Variants in SLC18A2 observed in about 807,000 individuals in gnomAD.
The protein encoded by SLC18A2 is solute carrier family 18 member A2.
Under a neutral mutation model 59.2 loss-of-function variants are expected in SLC18A2, and 33 were observed. The ratio of observed to expected loss-of-function variants is 0.56; its 90% CI spans 0.42 to 0.75. SLC18A2 has a LOEUF of 0.75. Among genes scored for constraint, SLC18A2 ranks in the 30% least tolerant of loss-of-function variants. The pLI, the probability that SLC18A2 is intolerant of heterozygous loss-of-function variation, is 0.00. For missense variants in SLC18A2, 569 were observed against 668.6 expected (o/e 0.85, Z 1.64); for synonymous variants, 228 against 253.5 (o/e 0.90, Z 0.95).
chr10:117,267,202 TC>T, intron 12 of SLC18A2, 167 bp downstream of exon 12: 2 of 593,228 alleles, frequency 3.4e-6, no homozygotes. Context: ...GACAAGACTT[TC>T]CAAGGAGTGT....
intron 10 of SLC18A2, among the ~76,000 whole-genome samples, chr10:117,266,390 C>T (rs1176101751): frequency 6.6e-5 from 10 of 152,194 alleles, no homozygotes; most frequent in African/African-American, 1.7e-4. Flanking sequence ...TTACTTCTGT[C>T]GGATGAAATC....
Position 117,255,486 on chromosome 10 carries a change from G to A in SLC18A2, c.798G>A (p.Gln266=). The change falls in exon 8 of 16, where the codon CAG becomes CAA. Residue 266 remains glutamine, a synonymous_variant. Transcript: ENST00000644641. ...AALVLLDGAI[Q]LFVLQPSRVQ... ...TTTATTTTTATTTTTTAGCTATTCAGCTCTTTGTGCTCCAGCCGTCCCGGG... is the reference window on the plus strand; with the variant it reads ...TTTATTTTTATTTTTTAGCTATTCAACTCTTTGTGCTCCAGCCGTCCCGGG... The A allele has an allele frequency of 6.2e-7, 1 of 1,614,040 alleles. No homozygotes were observed. Among genetic ancestry groups the A allele is most frequent in the Non-Finnish European group, 8.5e-7 (1 of 1,180,042 alleles).
At chr10:117,273,875 AC>A (rs888372238) in intron 15 of SLC18A2, among the ~76,000 whole-genome samples, 63 of 152,232 alleles carry the variant, frequency 4.1e-4, no homozygotes, top group African/African-American at 1.4e-3. Context: ...GGAGATCCTA[AC>A]TCATGAAAGG....
chr10:117,257,375 G>A (rs1844242498), intron 9 of SLC18A2, among the ~76,000 whole-genome samples: 1 of 151,812 alleles, frequency 6.6e-6, no homozygotes, highest in East Asian at 1.9e-4. Context: ...CATTAGAAAT[G>A]CCCACGTATA....
chr10:117,241,833 C>A lies in SLC18A2; in HGVS notation c.121+19C>A. On this transcript the variant is annotated intron_variant, in intron 2 of 15. Coordinates refer to ENST00000644641, the MANE Select transcript of SLC18A2 (RefSeq NM_003054.6). Reference sequence around the variant, plus strand: ...GTCGTGGGTACGTGCGGACAGGGCACCCCTGCCCCGGCACCCCAGCCCCAG... The same window carrying A: ...GTCGTGGGTACGTGCGGACAGGGCAACCCTGCCCCGGCACCCCAGCCCCAG... 2.5e-6 allele frequency: 4 copies of A among 1,596,628 alleles called. 1 individual carries two copies. The highest frequency in any genetic ancestry group is 3.4e-6 in the Non-Finnish European group (4 of 1,172,828).
At chr10:117,276,293 A>G (rs1489002409) in intron 15 of SLC18A2, among the ~76,000 whole-genome samples, 1 of 151,860 alleles carries the variant, frequency 6.6e-6, no homozygotes, top group African/African-American at 2.4e-5. Context: ...AACAACAACA[A>G]AAGATTGTAA....
intron 15 of SLC18A2, among the ~76,000 whole-genome samples, chr10:117,275,709 C>T (rs980699601): frequency 2.6e-5 from 4 of 152,192 alleles, no homozygotes; most frequent in Admixed American, 2.0e-4. Context: ...TTAGCATGGT[C>T]TTGGCATGAT....
intron 9 of SLC18A2, among the ~76,000 whole-genome samples, 161 bp downstream of exon 9, chr10:117,255,818 G>A (rs1298510423): frequency 6.6e-6 from 1 of 152,202 alleles, no homozygotes; most frequent in Non-Finnish European, 1.5e-5. Context: ...AAAGGAAATG[G>A]TTTTCTTCCG....
At chr10:117,252,116 G>A (rs1346745700) in intron 3 of SLC18A2, among the ~76,000 whole-genome samples, 1 of 139,832 alleles carries the variant, frequency 7.2e-6, no homozygotes, top group African/African-American at 2.7e-5. Context: ...GCACTACTAT[G>A]CCTGACTCAT....
chr10:117,244,049 A>G lies in SLC18A2; in HGVS notation c.200A>G (p.His67Arg). The G allele has an allele frequency of 6.2e-7, 1 of 1,614,182 alleles. No homozygotes were observed. Among genetic ancestry groups the G allele is most frequent in the Non-Finnish European group, 8.5e-7 (1 of 1,180,030 alleles). The change falls in exon 3 of 16, where the codon CAC becomes CGC. Residue 67 changes from histidine to arginine, a missense_variant. His to Arg is a conservative substitution (Grantham distance 29). Transcript: ENST00000644641. ...GAAATCCAGACGGCCAGGCCAGTGCACACTGCCTCCATCTCAGACAGCTTC... is the reference window on the plus strand; with the variant it reads ...GAAATCCAGACGGCCAGGCCAGTGCGCACTGCCTCCATCTCAGACAGCTTC... ...ATEIQTARPVHTASISDSFQS... is the reference protein window; with the variant it reads ...ATEIQTARPVRTASISDSFQS...
At chr10:117,242,486 C>T (rs1290678990) in intron 2 of SLC18A2, among the ~76,000 whole-genome samples, 1 of 152,010 alleles carries the variant, frequency 6.6e-6, no homozygotes, top group African/African-American at 2.4e-5. Context: ...AATCACGACT[C>T]ATTTAGACTG....
intron 4 of SLC18A2, 95 bp downstream of exon 4, chr10:117,253,552 C>CT: frequency 5.4e-5 from 1 of 18,392 alleles, no homozygotes; most frequent in African/African-American, 6.4e-4. Context: ...CTAAGGACGG[C>CT]GGGGGGGCGG....
At chr10:117,241,632 G>A in intron 1 of SLC18A2, 47 bp from the exon 2 acceptor site, 1 of 1,495,324 alleles carries the variant, frequency 6.7e-7, no homozygotes, top group Non-Finnish European at 8.9e-7. Context: ...CGGGAGAATG[G>A]GGGGTCCACG....
chr10:117,275,686 G>A (rs363232), intron 15 of SLC18A2, among the ~76,000 whole-genome samples: 4,233 of 152,216 alleles, frequency 0.028, 219 homozygotes, highest in African/African-American at 0.098. Context: ...GTGATGTATT[G>A]CCACTAAAAT....
rs775235268 is a variant in SLC18A2 at position 117,270,448 on chromosome 10, C to T, written c.1425C>T (p.Ala475=). ...PLCFFLRSPP[A]KEEKMAILMD... The stretch of plus-strand genomic sequence containing the variant: ...GCTTTTTTCTTCGAAGTCCACCTGC[C>T]AAAGAAGAAAAAATGGTAAGAAAAA... The change falls in exon 15 of 16, where the codon GCC becomes GCT. Residue 475 remains alanine (A), a synonymous_variant. Transcript: ENST00000644641. 1 of 1,612,570 alleles carries T rather than the reference C, an allele frequency of 6.2e-7. No homozygotes were observed. The highest frequency in any genetic ancestry group is 1.7e-5 in the Admixed American group (1 of 59,764).
In SLC18A2 at chr10:117,245,784, C is replaced by T. The variant is rs116509589; in HGVS notation, c.464+1471C>T. 9.8e-3 allele frequency among the ~76,000 whole-genome samples: 1,492 copies of T among 151,920 alleles called. 24 individuals carry two copies. Among genetic ancestry groups the T allele is most frequent in the African/African-American group, 0.034 (1,394 of 41,402 alleles). ...GGAGGGGATGGCAGATCTGGCCTTC[C>T]GCCAGCACAAGCTGCCTTGGACACA... On this transcript the variant is annotated intron_variant, in intron 3 of 15. Transcript: ENST00000644641.
rs753743999 is a variant in SLC18A2 at position 117,255,381 on chromosome 10, G to C, written c.790+15G>C. 1.6e-5 allele frequency: 26 copies of C among 1,614,116 alleles called. No individual in the cohort carries two copies. Among genetic ancestry groups the C allele is most frequent in the Admixed American group, 3.3e-5 (2 of 60,016 alleles). On this transcript the variant is annotated intron_variant, in intron 7 of 15. Coordinates refer to ENST00000644641, the MANE Select transcript of SLC18A2 (RefSeq NM_003054.6). ...CTTGGATGGAGGTGAGTGAGTCCAC[G>C]TGGGCGCCATGCCATGACCTTGGCA...
chr10:117,241,923 G>T (rs777364563), intron 2 of SLC18A2, 109 bp downstream of exon 2: 100 of 1,150,256 alleles, frequency 8.7e-5, no homozygotes, highest in Non-Finnish European at 8.3e-6. Flanking sequence ...GCCCGGGAAA[G>T]TTGGAGAACT....
Position 117,269,803 on chromosome 10 carries a change from T to C in SLC18A2, c.1187-268T>C, listed in dbSNP as rs1844403060. Among the ~76,000 whole-genome samples, 1 of 152,198 alleles carries C rather than the reference T, an allele frequency of 6.6e-6. No homozygotes were observed. Among genetic ancestry groups the C allele is most frequent in the Non-Finnish European group, 1.5e-5 (1 of 68,032 alleles). On this transcript the variant is annotated intron_variant, in intron 13 of 15. Transcript: ENST00000644641. This position sits in a 1 kb window ranked among gnomAD's most constrained non-coding sequence, Gnocchi z 5.1. ...AAAACCAACAGAAGAGTTGGGCATT[T>C]AGCAAAGAATTGAAGAATGAATGAC...
Sources: gnomAD v4.1 joint callset for allele counts (sites outside exome capture counted in the v4.1 genomes callset) on GRCh38, gnomAD v4.1.1 for gene constraint, Gnocchi (gnomAD v3.1) non-coding constraint, MANE v1.5 for transcripts, NCBI Gene and HGNC (gene_info 2026-07-23, HGNC 2026-07-21) for gene names.